The following GPC5 variants were observed in gnomAD, a reference collection of about 807,000 sequenced individuals.
GPC5 encodes the protein glypican 5.
GPC5 carries 47 observed loss-of-function variants against 53.9 expected under a neutral mutation model. The observed-to-expected ratio is 0.87, with a 90% CI of 0.69 to 1.11. GPC5 has a LOEUF of 1.11. Ranked by LOEUF, GPC5 falls within the 50% of genes most tolerant of loss-of-function variation. The pLI is 0.00. For missense variants in GPC5, 748 were observed against 713.1 expected (o/e 1.05, Z -0.56); for synonymous variants, 286 against 263.3 (o/e 1.09, Z -0.84).
chr13:92,767,298 C>T (rs780804584), intron 7 of GPC5, among the ~76,000 whole-genome samples: 2 of 152,058 alleles, frequency 1.3e-5, no homozygotes, highest in African/African-American at 2.4e-5. Context: ...TGGTGAAACC[C>T]CGTCTCTGCT....
intron 7 of GPC5, among the ~76,000 whole-genome samples, chr13:92,458,876 A>G (rs1297690894): frequency 6.6e-6 from 1 of 152,160 alleles, no homozygotes; most frequent in Non-Finnish European, 1.5e-5. Flanking sequence ...ATCTACTGGG[A>G]GCTTTCTAAA....
chr13:91,509,073 G>A (rs907298552), intron 2 of GPC5, among the ~76,000 whole-genome samples: 1 of 152,064 alleles, frequency 6.6e-6, no homozygotes, highest in Non-Finnish European at 1.5e-5. Flanking sequence ...GACAAAGACT[G>A]GAATACCAGT....
intron 7 of GPC5, among the ~76,000 whole-genome samples, chr13:92,830,588 G>A (rs9589631): frequency 0.096 from 14,630 of 151,942 alleles, 1,245 homozygotes; most frequent in African/African-American, 0.22. Context: ...ATATTTAAAT[G>A]TTCAGAACAC....
Position 91,756,340 on chromosome 13 carries a change from T to G in GPC5, c.1200T>G (p.Gly400=). 6.3e-7 allele frequency: 1 copy of G among 1,594,674 alleles called. No individual in the cohort carries two copies. ...SLRLYRSFYG[G]LADQLCANEL... The stretch of plus-strand genomic sequence containing the variant: ...GACTGTACAGGTCATTCTATGGAGG[T>G]CTAGCTGATCAGCTTTGTGCTAATG... The change falls in exon 5 of 8, where the codon GGT becomes GGG. Residue 400 remains glycine (G), a synonymous_variant. Coordinates refer to ENST00000377067, the MANE Select transcript of GPC5 (RefSeq NM_004466.6).
At chr13:92,685,808 C>T (rs979000505) in intron 7 of GPC5, among the ~76,000 whole-genome samples, 2 of 94,222 alleles carry the variant, frequency 2.1e-5, no homozygotes, top group East Asian at 3.5e-4. Flanking sequence ...TGAGAATATG[C>T]GGTGTTTGGT....
intron 7 of GPC5, among the ~76,000 whole-genome samples, chr13:92,842,287 T>C (rs1040014518): frequency 6.6e-6 from 1 of 152,140 alleles, no homozygotes; most frequent in African/African-American, 2.4e-5. Flanking sequence ...AGGAATGTAT[T>C]ACTCATGGCA....
At chr13:92,161,568 G>A (rs1259219486) in intron 7 of GPC5, among the ~76,000 whole-genome samples, 5 of 152,052 alleles carry the variant, frequency 3.3e-5, no homozygotes. Flanking sequence ...AAAATACAGA[G>A]TAAATTTGAT....
At chr13:91,674,952 T>G (rs1011475983) in intron 2 of GPC5, among the ~76,000 whole-genome samples, 1 of 151,866 alleles carries the variant, frequency 6.6e-6, no homozygotes, top group Non-Finnish European at 1.5e-5. Flanking sequence ...GCAGAAAAAT[T>G]TCTAACCCTT....
At chr13:92,080,852 T>C (rs986814138) in intron 6 of GPC5, among the ~76,000 whole-genome samples, 6 of 152,182 alleles carry the variant, frequency 3.9e-5, no homozygotes, top group Admixed American at 3.9e-4. Context: ...CTACACACAT[T>C]CTTCTAATCA....
chr13:92,714,304 A>G (rs1405604361), intron 7 of GPC5, among the ~76,000 whole-genome samples: 2 of 152,210 alleles, frequency 1.3e-5, no homozygotes, highest in Non-Finnish European at 2.9e-5. Context: ...TTATGGCATA[A>G]ATCAGAGCAG....
At chr13:92,120,272 A>C (rs1352926508) in intron 6 of GPC5, among the ~76,000 whole-genome samples, 1 of 152,124 alleles carries the variant, frequency 6.6e-6, no homozygotes, top group South Asian at 2.1e-4. Flanking sequence ...TTTAATGACT[A>C]TCTTTGTGTT....
chr13:92,620,332 TC>T (rs1425192178), intron 7 of GPC5, among the ~76,000 whole-genome samples: 1 of 152,154 alleles, frequency 6.6e-6, no homozygotes, highest in African/African-American at 2.4e-5. Context: ...AGGTTGTTCA[TC>T]ATTTGATAAG....
At chr13:92,364,591 G>A (rs889437503) in intron 7 of GPC5, among the ~76,000 whole-genome samples, 11 of 151,530 alleles carry the variant, frequency 7.3e-5, no homozygotes, top group Admixed American at 2.0e-4. Flanking sequence ...TTAGCCGGGC[G>A]TGGTGGCAAG....
intron 6 of GPC5, among the ~76,000 whole-genome samples, chr13:91,976,267 G>C (rs2040300828): frequency 6.6e-6 from 1 of 152,176 alleles, no homozygotes; most frequent in South Asian, 2.1e-4. Context: ...AACTTAAAGT[G>C]TAATAATAAT....
chr13:92,809,286 A>T (rs1877208521), intron 7 of GPC5, among the ~76,000 whole-genome samples: 1 of 152,166 alleles, frequency 6.6e-6, no homozygotes, highest in Non-Finnish European at 1.5e-5. Context: ...TCCATCATTC[A>T]ATATAGATAC....
At chr13:92,822,975 A>G (rs892989665) in intron 7 of GPC5, among the ~76,000 whole-genome samples, 1 of 141,218 alleles carries the variant, frequency 7.1e-6, no homozygotes, top group Admixed American at 7.7e-5. Flanking sequence ...AGAAAGTGTG[A>G]AAAAAAAAAA....
At chr13:91,908,591 T>C (rs1005873619) in intron 6 of GPC5, among the ~76,000 whole-genome samples, 19 of 152,148 alleles carry the variant, frequency 1.2e-4, no homozygotes, top group African/African-American at 4.3e-4. Context: ...TTCAATAATG[T>C]TTTTCATCAA....
intron 7 of GPC5, among the ~76,000 whole-genome samples, chr13:92,326,359 G>T (rs2043251043): frequency 6.6e-6 from 1 of 151,866 alleles, no homozygotes; most frequent in African/African-American, 2.4e-5. Flanking sequence ...CATGTATATA[G>T]CCTGGGAATT....
At chr13:92,049,862 T>G (rs1182383199) in intron 6 of GPC5, among the ~76,000 whole-genome samples, 1 of 152,120 alleles carries the variant, frequency 6.6e-6, no homozygotes, top group Non-Finnish European at 1.5e-5. Flanking sequence ...AATGAGATTT[T>G]TTTTAGCCAC....
Sources: gnomAD v4.1 joint callset for allele counts (sites outside exome capture counted in the v4.1 genomes callset) on GRCh38, gnomAD v4.1.1 for gene constraint, MANE v1.5 for transcripts, NCBI Gene and HGNC (gene_info 2026-07-23, HGNC 2026-07-21) for gene names.